Variants in C12orf54 observed in about 807,000 individuals in gnomAD.
The protein encoded by C12orf54 is chromosome 12 open reading frame 54.
Under a neutral mutation model 26.4 loss-of-function variants are expected in C12orf54, and 24 were observed. The observed-to-expected ratio is 0.91, with a 90% CI of 0.66 to 1.28. The LOEUF (loss-of-function observed/expected upper bound fraction) is 1.28, where lower values mean the gene tolerates loss of function less well. Ranked by LOEUF, C12orf54 falls within the 50% of genes most tolerant of loss-of-function variation. C12orf54 has a pLI of 0.00. For synonymous variants in C12orf54, 54 were observed against 47.0 expected, an observed-to-expected ratio of 1.15 and a Z score of -0.61; for missense variants, 154 against 150.9, an observed-to-expected ratio of 1.02 and a Z score of -0.11.
chr12:48,432,973 T>C, the C12orf54 span, among the ~76,000 whole-genome samples: 4 of 151,930 alleles, frequency 2.6e-5, no homozygotes, highest in African/African-American at 4.8e-5. Context: ...ACAGTAGTAC[T>C]AGAAAGATAG....
chr12:48,454,096 G>GTTTTTTTTTTTTTTTT, the C12orf54 span, among the ~76,000 whole-genome samples: 1 of 94,280 alleles, frequency 1.1e-5, no homozygotes, highest in Non-Finnish European at 2.4e-5. Flanking sequence ...TTTTTTGTTT[G>GTTTTTTTTTTTTTTTT]TTTTTTTTTT....
At chr12:48,473,197 A>T in the C12orf54 span, 4 of 1,338,656 alleles carry the variant, frequency 3.0e-6, no homozygotes, top group Non-Finnish European at 3.2e-6. Context: ...GATGAGGAGG[A>T]GTATGATGAA....
At chr12:48,433,256 T>G in the C12orf54 span, among the ~76,000 whole-genome samples, 2 of 152,192 alleles carry the variant, frequency 1.3e-5, no homozygotes, top group African/African-American at 2.4e-5. Context: ...ACAGTGCTTG[T>G]GCGTTCATGG....
At chr12:48,473,330 G>C in the C12orf54 span, 1 of 1,178,864 alleles carries the variant, frequency 8.5e-7, no homozygotes, top group Non-Finnish European at 1.2e-6. Context: ...TAGATGATGA[G>C]GAAGATGAAG....
At chr12:48,470,043 C>T in the C12orf54 span, among the ~76,000 whole-genome samples, 1 of 152,220 alleles carries the variant, frequency 6.6e-6, no homozygotes, top group African/African-American at 2.4e-5. Context: ...TTTATGGCTA[C>T]ATGCTATTCC....
chr12:48,457,664 G>A, the C12orf54 span, among the ~76,000 whole-genome samples: 1 of 152,146 alleles, frequency 6.6e-6, no homozygotes, highest in Admixed American at 6.6e-5. Flanking sequence ...GCCCCTCCAA[G>A]CCTGTCTCTA....
chr12:48,455,272 T>C, the C12orf54 span, among the ~76,000 whole-genome samples: 1 of 152,226 alleles, frequency 6.6e-6, no homozygotes, highest in Non-Finnish European at 1.5e-5. Flanking sequence ...CCAAAAGCCA[T>C]GATTTTATTC....
the C12orf54 span, among the ~76,000 whole-genome samples, chr12:48,457,379 G>A: frequency 6.6e-6 from 1 of 152,036 alleles, no homozygotes; most frequent in Non-Finnish European, 1.5e-5. Context: ...TGTGGCCCAG[G>A]CTGGAGTGTG....
At chr12:48,416,075 T>C in the C12orf54 span, among the ~76,000 whole-genome samples, 1 of 152,202 alleles carries the variant, frequency 6.6e-6, no homozygotes, top group Non-Finnish European at 1.5e-5. Flanking sequence ...CAAAACATAT[T>C]CCAAATTTCT....
the C12orf54 span, among the ~76,000 whole-genome samples, chr12:48,469,114 A>G: frequency 0.15 from 22,330 of 152,032 alleles, 2,820 homozygotes; most frequent in East Asian, 0.66. Flanking sequence ...TGTCCTGCTG[A>G]GCTCACATTG....
At chr12:48,453,667 G>T in the C12orf54 span, among the ~76,000 whole-genome samples, 1 of 140,806 alleles carries the variant, frequency 7.1e-6, no homozygotes, top group Non-Finnish European at 1.5e-5. Context: ...AGATAATGAA[G>T]AGCCAGGATT....
chr12:48,444,599 G>A, the C12orf54 span, among the ~76,000 whole-genome samples: 1 of 152,118 alleles, frequency 6.6e-6, no homozygotes, highest in African/African-American at 2.4e-5. Flanking sequence ...TTATTCAAGG[G>A]GTCACAGGAA....
the C12orf54 span, among the ~76,000 whole-genome samples, chr12:48,432,400 A>G: frequency 6.6e-6 from 1 of 152,190 alleles, no homozygotes; most frequent in Non-Finnish European, 1.5e-5. Flanking sequence ...AATATAATCC[A>G]TAGGTTCAGA....
chr12:48,446,041 C>T, the C12orf54 span, among the ~76,000 whole-genome samples: 5 of 152,152 alleles, frequency 3.3e-5, no homozygotes, highest in Non-Finnish European at 7.4e-5. Context: ...AACAAAGTAG[C>T]AGGGAAAATC....
chr12:48,432,280 T>A, the C12orf54 span, among the ~76,000 whole-genome samples: 1 of 152,184 alleles, frequency 6.6e-6, no homozygotes, highest in Non-Finnish European at 1.5e-5. Context: ...CACTATACAG[T>A]ACTGAACAAA....
chr12:48,440,156 C>A, the C12orf54 span, among the ~76,000 whole-genome samples: 1 of 151,156 alleles, frequency 6.6e-6, no homozygotes, highest in African/African-American at 2.4e-5. Context: ...ACCTGGGAGG[C>A]GGAGGTTGCA....
upstream of C12orf54, among the ~76,000 whole-genome samples, chr12:48,481,178 C>T (rs959519785): frequency 6.7e-6 from 1 of 150,340 alleles, no homozygotes; most frequent in Non-Finnish European, 1.5e-5. Context: ...TGTGTATCCT[C>T]TGAATCCAAA....
Position 48,496,207 on chromosome 12 carries a change from G to GTTGGGGAAGATATTAGT in C12orf54, c.*67_*68insTTGGGGAAGATATTAGT, listed in dbSNP as rs1487058907. The GTTGGGGAAGATATTAGT allele has an allele frequency of 1.3e-5, 2 of 152,490 alleles. No individual in the cohort carries two copies. The highest frequency in any genetic ancestry group is 4.8e-5 in the African/African-American group (2 of 41,448). The allele number at this position is 152,490 out of a possible 1,614,324, so 9.4% of individuals were successfully genotyped here. ...ACAGCTTCAGTTGGGGAAGATATTA[G>GTTGGGGAAGATATTAGT]CAGACATCATCACTGAACCCAGAAG... On this transcript the variant is annotated 3_prime_UTR_variant, in exon 9 of 9. Coordinates refer to ENST00000548364, the MANE Select transcript of C12orf54 (RefSeq NM_152319.4).
chr12:48,432,403 G>C, the C12orf54 span, among the ~76,000 whole-genome samples: 1 of 151,954 alleles, frequency 6.6e-6, no homozygotes, highest in African/African-American at 2.4e-5. Context: ...ATAATCCATA[G>C]GTTCAGAAAA....
Sources: gnomAD v4.1 joint callset for allele counts (sites outside exome capture counted in the v4.1 genomes callset) on GRCh38, gnomAD v4.1.1 for gene constraint, MANE v1.5 for transcripts, NCBI Gene and HGNC (gene_info 2026-07-23, HGNC 2026-07-21) for gene names.